LZIC: variants seen among roughly 807,000 people sequenced by gnomAD.
LZIC encodes the protein leucine zipper and CTNNBIP1 domain containing, also known as protein LZIC.
Under a neutral mutation model 25.4 loss-of-function variants are expected in LZIC, and 28 were observed. The observed-to-expected ratio is 1.10, with a 90% CI of 0.82 to 1.51. LZIC has a LOEUF of 1.51. Ranked by LOEUF, LZIC falls within the 40% of genes most tolerant of loss-of-function variation. The pLI, the probability that LZIC is intolerant of heterozygous loss-of-function variation, is 0.00. For synonymous variants in LZIC, 65 were observed against 70.7 expected, an observed-to-expected ratio of 0.92 and a Z score of 0.40; for missense variants, 170 against 211.1, an observed-to-expected ratio of 0.81 and a Z score of 1.21.
Position 9,927,898 on chromosome 1 carries a change from C to T in LZIC, c.*2501G>A, listed in dbSNP as rs1640042977. Among the ~76,000 whole-genome samples the T allele has an allele frequency of 6.6e-6, 1 of 151,850 alleles. No homozygotes were observed. Among genetic ancestry groups the T allele is most frequent in the Non-Finnish European group, 1.5e-5 (1 of 67,958 alleles). Reference sequence around the variant, plus strand: ...CTGTGTTGGCCAGGCTGGTCTTGAGCTCCTGATCTTGTGATCCGCCCGCCT... The same window carrying T: ...CTGTGTTGGCCAGGCTGGTCTTGAGTTCCTGATCTTGTGATCCGCCCGCCT... On this transcript the variant is annotated 3_prime_UTR_variant, in exon 8 of 8. Coordinates refer to ENST00000377223, the MANE Select transcript of LZIC (RefSeq NM_032368.5).
downstream of LZIC, among the ~76,000 whole-genome samples, chr1:9,923,124 C>T (rs1639902021): frequency 2.6e-5 from 4 of 152,160 alleles, no homozygotes; most frequent in South Asian, 8.3e-4. Flanking sequence ...GTAGGGACTC[C>T]CAGTTAATTT....
At chr1:9,934,239 A>AC (rs1640361863) in intron 5 of LZIC, among the ~76,000 whole-genome samples, 1 of 151,998 alleles carries the variant, frequency 6.6e-6, no homozygotes, top group South Asian at 2.1e-4. Flanking sequence ...AAAAAAAAAA[A>AC]AAACATAAAA....
chr1:9,942,169 A>C (rs1384022142), intron 2 of LZIC, among the ~76,000 whole-genome samples: 2 of 151,414 alleles, frequency 1.3e-5, no homozygotes, highest in Non-Finnish European at 2.9e-5. Flanking sequence ...CACTTGCCTC[A>C]GTCTCCCAAA....
At chr1:9,936,460 G>A in intron 3 of LZIC, 59 bp downstream of exon 3, 2 of 1,056,188 alleles carry the variant, frequency 1.9e-6, no homozygotes, top group South Asian at 2.6e-5. Flanking sequence ...TGCATCCACG[G>A]AGCTAGCTGC....
In LZIC at chr1:9,929,974, A is replaced by G. The variant is rs1640140213; in HGVS notation, c.*425T>C. On this transcript the variant is annotated 3_prime_UTR_variant, in exon 8 of 8. Coordinates refer to ENST00000377223, the MANE Select transcript of LZIC (RefSeq NM_032368.5). ...AGATCACTCAGAATTGTAAAATTCT[A>G]TGAACACTTATGAAGTCTATTGAGC... 1.0e-6 allele frequency: 1 copy of G among 980,608 alleles called. No homozygotes were observed. The highest frequency in any genetic ancestry group is 1.2e-6 in the Non-Finnish European group (1 of 825,160). The allele number at this position is 980,608 out of a possible 1,614,324, so 60.7% of individuals were successfully genotyped here.
At chr1:9,924,811 T>C (rs991906297), downstream of LZIC, among the ~76,000 whole-genome samples, 1 of 152,096 alleles carries the variant, frequency 6.6e-6, no homozygotes, top group Admixed American at 6.6e-5. Flanking sequence ...AATAGCCTCG[T>C]GTAATATGAC....
chr1:9,942,297 A>G (rs1640791544), intron 2 of LZIC, among the ~76,000 whole-genome samples: 2 of 152,194 alleles, frequency 1.3e-5, no homozygotes, highest in African/African-American at 4.8e-5. Context: ...TCCTCTGACT[A>G]AACTCTGGAG....
chr1:9,926,672 G>A lies in LZIC; in HGVS notation c.*3727C>T, dbSNP rs1445370045. On this transcript the variant is annotated 3_prime_UTR_variant, in exon 8 of 8. Transcript: ENST00000377223. ...GGTCCGATTGGACACTTGCTCATTG[G>A]AACTTATTTCTGCTTCAGCTCTAGT... Among the ~76,000 whole-genome samples the A allele has an allele frequency of 6.6e-6, 1 of 152,166 alleles. No homozygotes were observed. Among genetic ancestry groups the A allele is most frequent in the Non-Finnish European group, 1.5e-5 (1 of 68,018 alleles).
At chr1:9,923,518 CTTTTTTTTTTT>C (rs60858066), downstream of LZIC, among the ~76,000 whole-genome samples, 7 of 74,164 alleles carry the variant, frequency 9.4e-5, no homozygotes, top group African/African-American at 1.5e-4. Context: ...CCCAATGCTT[CTTTTTTTTTTT>C]TTTTTTTTTT....
chr1:9,934,493 A>C (rs1430099945), intron 5 of LZIC, among the ~76,000 whole-genome samples: 2 of 152,200 alleles, frequency 1.3e-5, no homozygotes, highest in African/African-American at 4.8e-5. Flanking sequence ...TCTCAATGTG[A>C]TTTTAAGTTA....
Position 9,942,708 on chromosome 1 carries a change from T to A in LZIC, c.-93A>T. 7.8e-7 allele frequency: 1 copy of A among 1,289,124 alleles called. No individual in the cohort carries two copies. Among genetic ancestry groups the A allele is most frequent in the Non-Finnish European group, 1.0e-6 (1 of 988,620 alleles). 79.9% of individuals were successfully genotyped at this position (1,289,124 alleles called of 1,614,324 possible). ...CCAGTTCTTGACGTTCCGAGTGTCA[T>A]AAACTTGAGGAAAATGAAATTATTC... is the stretch of plus-strand genomic sequence containing the variant. On this transcript the variant is annotated 5_prime_UTR_variant, in exon 2 of 8. It removes an upstream start codon present in the reference 5' UTR. Transcript: ENST00000377223.
chr1:9,922,705 A>G (rs976970409), downstream of LZIC, among the ~76,000 whole-genome samples: 1 of 152,252 alleles, frequency 6.6e-6, no homozygotes, highest in Non-Finnish European at 1.5e-5. Flanking sequence ...AAAGAGAGGA[A>G]GGCAGGCTCA....
chr1:9,929,687 A>G lies in LZIC; in HGVS notation c.*712T>C. On this transcript the variant is annotated 3_prime_UTR_variant, in exon 8 of 8. Coordinates refer to ENST00000377223, the MANE Select transcript of LZIC (RefSeq NM_032368.5). ...CCGAGATACAACGGGCCCCATTAAT[A>G]CAGACAGCTTACAGGCTGGGGGATG... The G allele has an allele frequency of 2.0e-6, 2 of 985,442 alleles. No homozygotes were observed. Among genetic ancestry groups the G allele is most frequent in the African/African-American group, 3.5e-5 (2 of 57,372 alleles). The allele number at this position is 985,442 out of a possible 1,614,324, so 61.0% of individuals were successfully genotyped here. A position where few individuals can be genotyped will look rare whatever the true frequency, so the allele number is the denominator to read the frequency against.
chr1:9,933,805 G>A (rs1206846527), intron 5 of LZIC, among the ~76,000 whole-genome samples: 1 of 151,912 alleles, frequency 6.6e-6, no homozygotes, highest in Admixed American at 6.6e-5. Flanking sequence ...TACTTGAGGG[G>A]CTGAGATGGG....
intron 1 of LZIC, chr1:9,942,990 T>C (rs1169663120): frequency 4.4e-5 from 15 of 344,224 alleles, no homozygotes; most frequent in Non-Finnish European, 8.1e-5. Flanking sequence ...CGGACACGCC[T>C]TGAGGGATGG....
At chr1:9,930,890 T>C (rs1247021316) in intron 7 of LZIC, among the ~76,000 whole-genome samples, 1 of 151,786 alleles carries the variant, frequency 6.6e-6, no homozygotes, top group Non-Finnish European at 1.5e-5. Flanking sequence ...CCAGCCAATT[T>C]TTGTGTTTTT....
chr1:9,931,238 T>C (rs1640199508), intron 7 of LZIC, among the ~76,000 whole-genome samples: 2 of 151,900 alleles, frequency 1.3e-5, no homozygotes, highest in African/African-American at 4.8e-5. Flanking sequence ...AGCTAATTTT[T>C]TTTCTTTTTA....
intron 5 of LZIC, among the ~76,000 whole-genome samples, chr1:9,933,254 C>CAAAA (rs60791463): frequency 4.8e-4 from 21 of 43,386 alleles, no homozygotes; most frequent in East Asian, 7.1e-4. Context: ...GACTCCACCA[C>CAAAA]AAAAAAAAAA....
At chr1:9,933,040 G>T (rs1024698693) in intron 5 of LZIC, 142 bp from the exon 6 acceptor site, 22 of 571,008 alleles carry the variant, frequency 3.9e-5, no homozygotes, top group South Asian at 2.5e-4. Flanking sequence ...GGATCACGAG[G>T]TCAGGAGACC....
Sources: allele counts gnomAD v4.1 joint callset (sites outside exome capture counted in the v4.1 genomes callset), GRCh38; gene constraint gnomAD v4.1.1; transcripts MANE v1.5; gene names NCBI Gene and HGNC (gene_info 2026-07-23, HGNC 2026-07-21).